Variants in TSPAN18 observed in about 807,000 individuals in gnomAD.
TSPAN18 encodes tetraspanin 18.
A neutral mutation model predicts 27.3 loss-of-function variants in TSPAN18; 14 were observed. The observed-to-expected ratio is 0.51, with a 90% CI of 0.34 to 0.80. TSPAN18 has a LOEUF of 0.80. Among genes scored for constraint, TSPAN18 ranks in the 30% least tolerant of loss-of-function variants. TSPAN18 has a pLI of 0.01. For synonymous variants in TSPAN18, 143 were observed against 136.5 expected (o/e 1.05, Z -0.33); for missense variants, 268 against 323.9 (o/e 0.83, Z 1.32).
chr11:44,813,379 A>C lies in TSPAN18; in HGVS notation c.-152-46949A>C, dbSNP rs560120509. Among the ~76,000 whole-genome samples, 13 of 152,338 alleles carry C rather than the reference A, an allele frequency of 8.5e-5. 1 individual carries two copies. In the East Asian group the frequency reaches 2.5e-3, roughly 29 times the overall value. On this transcript the variant is annotated intron_variant, in intron 2 of 9. Coordinates refer to ENST00000520358, the MANE Select transcript of TSPAN18 (RefSeq NM_130783.5). ...CTGAGTCTTGGTTTCCAGAGGGGGA[A>C]AGTGGGAATCATGATACTTCTTGCA... is the stretch of plus-strand genomic sequence containing the variant.
Position 44,919,267 on chromosome 11 carries a change from C to T in TSPAN18, c.387C>T (p.Asn129=), listed in dbSNP as rs747539172. The T allele has an allele frequency of 3.3e-5, 53 of 1,614,022 alleles. No homozygotes were observed. Among genetic ancestry groups the T allele is most frequent in the Admixed American group, 1.2e-4 (7 of 60,004 alleles). ...TCACCAAGCACTACCAGGGCAATAA[C>T]GACACAGACGTCTTCTCTGCCACCT... The part of the protein sequence containing the change: ...KELTKHYQGN[N]DTDVFSATWN... The change falls in exon 7 of 10, where the codon AAC becomes AAT. Residue 129 remains asparagine, a synonymous_variant. Coordinates refer to ENST00000520358, the MANE Select transcript of TSPAN18 (RefSeq NM_130783.5).
intron 2 of TSPAN18, among the ~76,000 whole-genome samples, chr11:44,810,166 T>C (rs1245442723): frequency 6.6e-6 from 1 of 152,212 alleles, no homozygotes; most frequent in African/African-American, 2.4e-5. Context: ...AACATACAAT[T>C]AGGCATTTTA....
chr11:44,850,252 A>G (rs1484447333), intron 2 of TSPAN18, among the ~76,000 whole-genome samples: 1 of 152,128 alleles, frequency 6.6e-6, no homozygotes, highest in African/African-American at 2.4e-5. Flanking sequence ...ATGTAGATAC[A>G]TTCTGCTTAG....
At chr11:44,768,699 A>C (rs1855623505) in intron 2 of TSPAN18, among the ~76,000 whole-genome samples, 1 of 152,158 alleles carries the variant, frequency 6.6e-6, no homozygotes, top group South Asian at 2.1e-4. Context: ...CTCATAATTG[A>C]GTATGATATT....
At chr11:44,876,844 C>T (rs757671502) in intron 3 of TSPAN18, among the ~76,000 whole-genome samples, 4 of 152,156 alleles carry the variant, frequency 2.6e-5, no homozygotes, top group Non-Finnish European at 4.4e-5. Flanking sequence ...TGGAGACTCT[C>T]AGCTTCTGGG....
At position 44,892,859 on chromosome 11, in the gene TSPAN18, C is replaced by T. The variant is rs572235384; in HGVS notation, c.-10-13548C>T. Among the ~76,000 whole-genome samples, 6 of 152,328 alleles carry T rather than the reference C, an allele frequency of 3.9e-5. No homozygotes were observed. The East Asian group carries it at 1.2e-3, about 29-fold the overall frequency. On this transcript the variant is annotated intron_variant, in intron 3 of 9. Coordinates refer to ENST00000520358, the MANE Select transcript of TSPAN18 (RefSeq NM_130783.5). ...TCCTCATCTGTAAAACATGACTGCT[C>T]ACCTCGCAGGGTAGTTGAGAGGGTC...
At chr11:44,759,524 T>C (rs1207888793) in intron 1 of TSPAN18, among the ~76,000 whole-genome samples, 3 of 152,200 alleles carry the variant, frequency 2.0e-5, no homozygotes, top group Non-Finnish European at 2.9e-5. Context: ...CCTTCCCACA[T>C]TCATTTAACT....
At chr11:44,887,326 G>A (rs971075479) in intron 3 of TSPAN18, among the ~76,000 whole-genome samples, 2 of 152,186 alleles carry the variant, frequency 1.3e-5, no homozygotes, top group African/African-American at 2.4e-5. Context: ...AACATGCAAC[G>A]TCCTTAACCC....
chr11:44,841,502 C>T (rs570243831), intron 2 of TSPAN18, among the ~76,000 whole-genome samples: 11 of 118,806 alleles, frequency 9.3e-5, no homozygotes, highest in South Asian at 8.4e-4. Flanking sequence ...GGCAAGAGCA[C>T]GAAATTCCAT....
intron 3 of TSPAN18, among the ~76,000 whole-genome samples, chr11:44,895,082 AG>A (rs1858994872): frequency 6.6e-6 from 1 of 152,226 alleles, no homozygotes; most frequent in Admixed American, 6.5e-5. Context: ...GGTAGGAGAA[AG>A]GTATAGTGGA....
intron 2 of TSPAN18, among the ~76,000 whole-genome samples, chr11:44,822,007 G>A (rs556343136): frequency 1.3e-5 from 2 of 152,180 alleles, no homozygotes; most frequent in Non-Finnish European, 2.9e-5. Context: ...CAGACTGGAG[G>A]AGTTGAGATG....
chr11:44,727,568 C>T (rs1382560025), intron 1 of TSPAN18, among the ~76,000 whole-genome samples: 4 of 152,052 alleles, frequency 2.6e-5, no homozygotes, highest in South Asian at 4.2e-4. Flanking sequence ...TCCCAGTGCT[C>T]CGGGTGGAGG....
rs577668182 is a variant in TSPAN18 at position 44,924,199 on chromosome 11, C to T, written c.616-2475C>T. Among the ~76,000 whole-genome samples, 23 of 151,670 alleles carry T rather than the reference C, an allele frequency of 1.5e-4. 1 individual carries two copies. The highest frequency in any genetic ancestry group is 8.3e-4 in the South Asian group (4 of 4,810). ...CACCACTCAGGATATGCTAAGAGAG[C>T]GGCACAGAGAGACGGACGGTAATCC... On this transcript the variant is annotated intron_variant, in intron 8 of 9. Coordinates refer to ENST00000520358, the MANE Select transcript of TSPAN18 (RefSeq NM_130783.5).
At chr11:44,797,810 T>G (rs1565153873) in intron 2 of TSPAN18, among the ~76,000 whole-genome samples, 1 of 152,154 alleles carries the variant, frequency 6.6e-6, no homozygotes, top group Non-Finnish European at 1.5e-5. Flanking sequence ...CTGCCTCAGG[T>G]GAAGCGACCT....
intron 2 of TSPAN18, among the ~76,000 whole-genome samples, chr11:44,766,105 C>T (rs576355946): frequency 1.3e-5 from 2 of 152,318 alleles, no homozygotes; most frequent in South Asian, 2.1e-4. Flanking sequence ...TGCCTCTGTG[C>T]CCATAGTCAG....
intron 3 of TSPAN18, among the ~76,000 whole-genome samples, chr11:44,877,823 G>C (rs1484915637): frequency 6.6e-6 from 1 of 151,932 alleles, no homozygotes; most frequent in Non-Finnish European, 1.5e-5. Flanking sequence ...AGATGTCTTT[G>C]TTTGCATTCT....
intron 2 of TSPAN18, among the ~76,000 whole-genome samples, chr11:44,817,998 G>A (rs1179958391): frequency 1.3e-5 from 2 of 152,248 alleles, no homozygotes; most frequent in Non-Finnish European, 2.9e-5. Flanking sequence ...GGAGAGGCCT[G>A]TAGCTGAGAT....
chr11:44,837,975 G>T (rs1857296671), intron 2 of TSPAN18, among the ~76,000 whole-genome samples: 1 of 152,170 alleles, frequency 6.6e-6, no homozygotes, highest in Non-Finnish European at 1.5e-5. Flanking sequence ...AGCTAGAACT[G>T]AACCTGAATA....
At chr11:44,741,795 G>GA (rs1854942619) in intron 1 of TSPAN18, among the ~76,000 whole-genome samples, 1 of 152,132 alleles carries the variant, frequency 6.6e-6, no homozygotes, top group African/African-American at 2.4e-5. Context: ...TCCTCATCTA[G>GA]AAAAAAGGGA....
Sources: allele counts gnomAD v4.1 joint callset (sites outside exome capture counted in the v4.1 genomes callset), GRCh38; gene constraint gnomAD v4.1.1; transcripts MANE v1.5; gene names NCBI Gene and HGNC (gene_info 2026-07-23, HGNC 2026-07-21).